MIA3: variants seen among roughly 807,000 people sequenced by gnomAD.
MIA3 encodes transport and Golgi organization protein 1 homolog.
In MIA3, 90 loss-of-function variants were observed where a neutral mutation model predicts 192.4. The ratio of observed to expected loss-of-function variants is 0.47; its 90% CI spans 0.39 to 0.56. The LOEUF (loss-of-function observed/expected upper bound fraction) is 0.56, where lower values mean the gene tolerates loss of function less well. Ranked by LOEUF, MIA3 falls within the 20% of genes least tolerant of loss-of-function variation. MIA3 has a pLI of 0.00. For synonymous variants in MIA3, 740 were observed against 792.8 expected (o/e 0.93, Z 1.12); for missense variants, 2,123 against 2,269.4 (o/e 0.94, Z 1.31).
chr1:222,619,935 CAA>C (rs1661781542), intron 1 of MIA3, among the ~76,000 whole-genome samples: 1 of 152,172 alleles, frequency 6.6e-6, no homozygotes, highest in Non-Finnish European at 1.5e-5. Context: ...GTTGGCATCT[CAA>C]ATATTATTAT....
rs1036111907 is a variant in MIA3, at chr1:222,667,593, T to G, written c.*1974T>G. 6.6e-6 allele frequency: 1 copy of G among 152,172 alleles called. No homozygotes were observed. The highest frequency in any genetic ancestry group is 2.4e-5 in the African/African-American group (1 of 41,440). The allele number at this position is 152,172 out of a possible 1,614,324, so 9.4% of individuals were successfully genotyped here. A position where few individuals can be genotyped will look rare whatever the true frequency, so the allele number is the denominator to read the frequency against. ...AACTGGTAAGCTGTAAAGATTCCAG[T>G]GTAGCTTCTCTGAGAAGTTGTGAGC... On this transcript the variant is annotated 3_prime_UTR_variant, in exon 28 of 28. Transcript: ENST00000344922.
At position 222,629,967 on chromosome 1, in the gene MIA3, A is replaced by G. The variant is rs371534257; in HGVS notation, c.2747A>G (p.His916Arg). 1.5e-5 allele frequency: 24 copies of G among 1,613,964 alleles called. No homozygotes were observed. The highest frequency in any genetic ancestry group is 1.9e-5 in the Non-Finnish European group (23 of 1,180,008). Reference protein sequence around the residue: ...WTPHTSVEPGHSDKREDLLII... With the variant: ...WTPHTSVEPGRSDKREDLLII... ...CCACATACAAGTGTAGAGCCAGGGC[A>G]TAGTGACAAGAGGGAGGACTTACTT... The change falls in exon 4 of 28, where the codon CAT becomes CGT. Residue 916 changes from histidine (H) to arginine (R), a missense_variant. Physicochemically the swap from His to Arg is conservative, Grantham distance 29. Transcript: ENST00000344922.
intron 26 of MIA3, 78 bp from the exon 27 acceptor site, chr1:222,663,919 GT>G: frequency 7.4e-7 from 1 of 1,353,778 alleles, no homozygotes; most frequent in Admixed American, 2.2e-5. Flanking sequence ...GCTTCATTGG[GT>G]TTTAGTTTTT....
At chr1:222,644,215 C>T (rs1437838648) in intron 6 of MIA3, 2 of 1,110,462 alleles carry the variant, frequency 1.8e-6, no homozygotes, top group Non-Finnish European at 2.4e-6. Context: ...TCTCCCGTCC[C>T]CTCGATAGTT....
chr1:222,629,721 T>C lies in MIA3; in HGVS notation c.2501T>C (p.Ile834Thr), dbSNP rs1190612798. ...GAACGAAGTGACTTTTCTGACAGCA[T>C]AAAAATTCAGACTCCAGAATTAGGT... ...PFERSDFSDS[I>T]KIQTPELGEV... Residue 834 changes from isoleucine (I) to threonine (T), a missense_variant, in exon 4 of 28, where the codon ATA becomes ACA. Ile to Thr is a moderately conservative substitution (Grantham distance 89). Transcript: ENST00000344922. 7 of 1,614,134 alleles carry C rather than the reference T, an allele frequency of 4.3e-6. No individual in the cohort carries two copies. The highest frequency in any genetic ancestry group is 5.1e-6 in the Non-Finnish European group (6 of 1,180,000).
intron 6 of MIA3, chr1:222,644,429 G>A (rs1317095228): frequency 6.5e-7 from 1 of 1,549,998 alleles, no homozygotes; most frequent in Admixed American, 2.0e-5. Flanking sequence ...AGGGGGCCCA[G>A]TGCCATTCCG....
intron 4 of MIA3, among the ~76,000 whole-genome samples, 190 bp downstream of exon 4, chr1:222,630,579 G>A (rs534351059): frequency 2.2e-4 from 34 of 152,318 alleles, no homozygotes; most frequent in South Asian, 4.1e-4. Flanking sequence ...ATTTCTTGCC[G>A]TTTCCCTTAG....
intron 6 of MIA3, 100 bp downstream of exon 6, chr1:222,633,349 C>T (rs1162156415): frequency 3.1e-6 from 3 of 973,734 alleles, no homozygotes; most frequent in Admixed American, 5.2e-5. Flanking sequence ...TCTTTATGAA[C>T]CTGACTCCTG....
rs771638780 is a variant in MIA3, at chr1:222,628,506, A to G, written c.1286A>G (p.Gln429Arg). ...LVPDSKQGKP[Q>R]SATDYSDPDN... ...CCAGATAGCAAACAGGGGAAACCAC[A>G]GTCAGCAACAGATTATAGTGACCCT... Residue 429 changes from glutamine (Q) to arginine (R), a missense_variant, in exon 4 of 28, where the codon CAG becomes CGG. Gln to Arg is a conservative substitution (Grantham distance 43). This residue lies in a region of MIA3 where 1,357 missense variants were observed against 1,396.1 expected (regional missense o/e 0.97). Coordinates refer to ENST00000344922, the MANE Select transcript of MIA3 (RefSeq NM_198551.4). The G allele has an allele frequency of 2.5e-5, 40 of 1,613,594 alleles. No homozygotes were observed. Among genetic ancestry groups the G allele is most frequent in the Non-Finnish European group, 3.0e-5 (35 of 1,179,918 alleles).
chr1:222,620,934 GAGA>G (rs1158773378), intron 1 of MIA3, among the ~76,000 whole-genome samples: 2 of 152,214 alleles, frequency 1.3e-5, no homozygotes, highest in African/African-American at 4.8e-5. Context: ...GAGAAAAATA[GAGA>G]AGGTTTTCCT....
At chr1:222,639,772 T>C (rs1342277409) in intron 6 of MIA3, among the ~76,000 whole-genome samples, 2 of 152,152 alleles carry the variant, frequency 1.3e-5, no homozygotes, top group Non-Finnish European at 2.9e-5. Flanking sequence ...GACTTAAACA[T>C]CATACTTAAT....
chr1:222,652,507 G>C (rs907617490), intron 13 of MIA3, among the ~76,000 whole-genome samples, 175 bp downstream of exon 13: 7 of 152,202 alleles, frequency 4.6e-5, no homozygotes, highest in Non-Finnish European at 8.8e-5. Flanking sequence ...TTCTCTATCT[G>C]TTCTGGATTT....
In MIA3 at chr1:222,645,554, C is replaced by G; in HGVS notation, c.3478C>G (p.Leu1160Val). 6.2e-7 allele frequency: 1 copy of G among 1,605,008 alleles called. No individual in the cohort carries two copies. The highest frequency in any genetic ancestry group is 1.1e-5 in the South Asian group (1 of 89,842). ...TTCTAACATTATTTCTAACATTCAG[C>G]TAGTTGCTACATTGCCTGATGATGT... Reference protein sequence around the residue: ...YSFMFYLTKSLVATLPDDVQP... With the variant: ...YSFMFYLTKSVVATLPDDVQP... The change falls in exon 7 of 28, where the codon CTA (leucine) becomes GTA (valine). Residue 1160 changes from leucine to valine, a missense_variant and splice_region_variant. Physicochemically the swap from Leu to Val is conservative, Grantham distance 32 (BLOSUM62 1). This residue lies in a region of MIA3 where 1,357 missense variants were observed against 1,396.1 expected (regional missense o/e 0.97). Coordinates refer to ENST00000344922, the MANE Select transcript of MIA3 (RefSeq NM_198551.4).
intron 6 of MIA3, among the ~76,000 whole-genome samples, chr1:222,636,869 C>T (rs76966011): frequency 0.053 from 8,004 of 152,152 alleles, 298 homozygotes; most frequent in Non-Finnish European, 0.086. Context: ...TCAGTCTCCC[C>T]GAGCTTTAAT....
chr1:222,665,327 C>T lies in MIA3; in HGVS notation c.5432C>T (p.Pro1811Leu). ...PPPFGPGMRP[P>L]LGLREFAPGV... ...TTTCCAGGCCCTGGTATGCGTCCAC[C>T]ACTAGGCTTAAGAGAATTTGCACCA... The change falls in exon 28 of 28, where the codon CCA becomes CTA. Residue 1811 changes from proline to leucine, a missense_variant. Physicochemically the swap from Pro to Leu is moderately conservative, Grantham distance 98. Around this residue, in one of 3 missense-constraint regions of MIA3, gnomAD observed 762 missense variants for 856.4 expected, o/e 0.89. Coordinates refer to ENST00000344922, the MANE Select transcript of MIA3 (RefSeq NM_198551.4). 1 of 1,612,510 alleles carries T rather than the reference C, an allele frequency of 6.2e-7. No individual in the cohort carries two copies. The highest frequency in any genetic ancestry group is 8.5e-7 in the Non-Finnish European group (1 of 1,179,264).
chr1:222,645,718 A>G, intron 7 of MIA3, 33 bp downstream of exon 7: 1 of 1,586,702 alleles, frequency 6.3e-7, no homozygotes. Flanking sequence ...TAACTCATAA[A>G]TTCAAGTATG....
At position 222,651,986 on chromosome 1, in the gene MIA3, A is replaced by T; in HGVS notation, c.3919A>T (p.Asn1307Tyr). Residue 1307 changes from asparagine (N) to tyrosine (Y), a missense_variant, in exon 12 of 28, where the codon AAC becomes TAC. By Grantham distance (143) the Asn-to-Tyr change is moderately radical. This residue lies in a region of MIA3 where 762 missense variants were observed against 856.4 expected (regional missense o/e 0.89). Coordinates refer to ENST00000344922, the MANE Select transcript of MIA3 (RefSeq NM_198551.4). ...TGTTTTTACATGGCAGATATCAGAA[A>T]ACAAGAAATCTATAGAGAAGTTAAA... ...NVKNQDLISE[N>Y]KKSIEKLKDV... 3 of 1,565,138 alleles carry T rather than the reference A, an allele frequency of 1.9e-6. No individual in the cohort carries two copies. The highest frequency in any genetic ancestry group is 2.6e-6 in the Non-Finnish European group (3 of 1,136,162).
chr1:222,654,226 A>T lies in MIA3; in HGVS notation c.4322-17A>T. ...AAGGGAAGAAAAAGCAATGAAAGAAAGCCTTTTGTTTTTTAGGTGACCGGA... is the reference window on the plus strand; with the variant it reads ...AAGGGAAGAAAAAGCAATGAAAGAATGCCTTTTGTTTTTTAGGTGACCGGA... On this transcript the variant is annotated splice_polypyrimidine_tract_variant and intron_variant, in intron 15 of 27. Transcript: ENST00000344922. The T allele has an allele frequency of 6.2e-7, 1 of 1,610,592 alleles. No individual in the cohort carries two copies. The highest frequency in any genetic ancestry group is 8.5e-7 in the Non-Finnish European group (1 of 1,178,390).
chr1:222,639,075 A>T (rs1217704494), intron 6 of MIA3, among the ~76,000 whole-genome samples: 1 of 152,194 alleles, frequency 6.6e-6, no homozygotes, highest in Non-Finnish European at 1.5e-5. Flanking sequence ...TCAGAGAGAC[A>T]TCACCACATA....
Sources: allele counts gnomAD v4.1 joint callset (sites outside exome capture counted in the v4.1 genomes callset), GRCh38; gene constraint gnomAD v4.1.1; regional missense constraint gnomAD v4.1.1; transcripts MANE v1.5; gene names NCBI Gene and HGNC (gene_info 2026-07-23, HGNC 2026-07-21).